The following LMNTD1 variants were observed in gnomAD, a reference collection of about 807,000 sequenced individuals.
The protein encoded by LMNTD1 is lamin tail domain containing 1.
A neutral mutation model predicts 50.9 loss-of-function variants in LMNTD1; 35 were observed. The ratio of observed to expected loss-of-function variants is 0.69; its 90% CI spans 0.53 to 0.91. LMNTD1 has a LOEUF of 0.91. LMNTD1 is among the 40% of genes least tolerant of loss of function. The pLI is 0.00. For missense variants in LMNTD1, 470 were observed against 475.5 expected (o/e 0.99, Z 0.11); for synonymous variants, 153 against 161.9 (o/e 0.94, Z 0.42).
upstream of LMNTD1, chr12:25,553,372 G>T: frequency 1.5e-6 from 1 of 659,042 alleles, no homozygotes; most frequent in Non-Finnish European, 2.2e-6. Flanking sequence ...CAATTCCTAT[G>T]TTGATGCTGT....
intron 1 of LMNTD1, chr12:25,586,246 C>A (rs1945521613): frequency 6.6e-6 from 1 of 151,604 alleles, no homozygotes; most frequent in South Asian, 2.1e-4. Flanking sequence ...CATGATGATA[C>A]CTCTACCTAC....
At chr12:25,603,005 G>C (rs902706256) in intron 1 of LMNTD1, among the ~76,000 whole-genome samples, 2 of 151,998 alleles carry the variant, frequency 1.3e-5, no homozygotes, top group Admixed American at 1.3e-4. Context: ...GAAATGTTCT[G>C]TAAGACTATA....
At chr12:25,510,725 C>A (rs1269325591) in intron 8 of LMNTD1, among the ~76,000 whole-genome samples, 1 of 151,592 alleles carries the variant, frequency 6.6e-6, no homozygotes, top group Non-Finnish European at 1.5e-5. Flanking sequence ...TTCTAAAATT[C>A]TCATTAAAAT....
intron 1 of LMNTD1, among the ~76,000 whole-genome samples, chr12:25,616,956 C>G (rs1012148093): frequency 7.2e-5 from 11 of 152,060 alleles, no homozygotes; most frequent in Non-Finnish European, 1.2e-4. Context: ...GAACTCAGAA[C>G]TGTACACTAA....
intron 8 of LMNTD1, among the ~76,000 whole-genome samples, chr12:25,517,707 GAATAAT>G (rs71851020): frequency 0.033 from 4,558 of 139,204 alleles, 237 homozygotes; most frequent in African/African-American, 0.11. Context: ...TAAAGTGTAA[GAATAAT>G]AATAATAATA....
intron 9 of LMNTD1, among the ~76,000 whole-genome samples, chr12:25,481,300 T>C (rs1052700034): frequency 6.6e-6 from 1 of 152,068 alleles, no homozygotes; most frequent in Non-Finnish European, 1.5e-5. Context: ...ATTTATTTTG[T>C]ATATTGTTCG....
intron 1 of LMNTD1, among the ~76,000 whole-genome samples, chr12:25,560,054 C>T (rs1665173515): frequency 6.6e-6 from 1 of 152,146 alleles, no homozygotes; most frequent in African/African-American, 2.4e-5. Context: ...TAATTAGATC[C>T]CATTTGTCAA....
In LMNTD1 at chr12:25,637,780, C is replaced by CT. The variant is rs529514632; in HGVS notation, c.58+10713dup. On this transcript the variant is annotated intron_variant, in intron 1 of 7. Transcript: ENST00000445693. ...GATGGGTAAAGGATTTGAATATACC[C>CT]TTTTTTTTCCAAAAAAGATATACAA... 3.2e-3 allele frequency among the ~76,000 whole-genome samples: 482 copies of CT among 151,744 alleles called. 2 individuals are homozygous for CT. Among genetic ancestry groups the CT allele is most frequent in the Middle Eastern group, 6.8e-3 (2 of 294 alleles).
At chr12:25,525,704 C>G (rs529276151) in intron 6 of LMNTD1, among the ~76,000 whole-genome samples, 1 of 152,032 alleles carries the variant, frequency 6.6e-6, no homozygotes, top group East Asian at 1.9e-4. Flanking sequence ...AAAAAAAAAT[C>G]GGGTGAGCTA....
intron 1 of LMNTD1, among the ~76,000 whole-genome samples, chr12:25,596,563 G>A (rs1945849140): frequency 6.6e-6 from 1 of 151,938 alleles, no homozygotes; most frequent in African/African-American, 2.4e-5. Flanking sequence ...AGCATATCCA[G>A]CAAAAATAAT....
rs759562660 is a variant in LMNTD1, at chr12:25,553,081, C to T, written c.-43G>A. Reference sequence around the variant, plus strand: ...AAAGTGACCTCACCTGTTAATCCAACTACCTTCAAGCATCAGCTAGGTTTA... The same window carrying T: ...AAAGTGACCTCACCTGTTAATCCAATTACCTTCAAGCATCAGCTAGGTTTA... On this transcript the variant is annotated 5_prime_UTR_variant, in exon 1 of 10. Transcript: ENST00000458174. 28 of 1,613,558 alleles carry T rather than the reference C, an allele frequency of 1.7e-5. No individual in the cohort carries two copies. The highest frequency in any genetic ancestry group is 2.5e-6 in the Non-Finnish European group (3 of 1,179,714).
At chr12:25,631,268 G>C (rs1011557795) in intron 1 of LMNTD1, among the ~76,000 whole-genome samples, 1 of 152,142 alleles carries the variant, frequency 6.6e-6, no homozygotes, top group African/African-American at 2.4e-5. Flanking sequence ...CCTGCCCACT[G>C]CTGGTTCTTC....
chr12:25,608,729 G>A (rs1050502607), intron 1 of LMNTD1, among the ~76,000 whole-genome samples: 30 of 151,454 alleles, frequency 2.0e-4, no homozygotes, highest in African/African-American at 5.6e-4. Flanking sequence ...AAAGAAACCC[G>A]ACCTTTCTCT....
chr12:25,634,202 CA>C (rs933659069), intron 1 of LMNTD1, among the ~76,000 whole-genome samples: 1 of 151,978 alleles, frequency 6.6e-6, no homozygotes, highest in Non-Finnish European at 1.5e-5. Flanking sequence ...AAATTACCAA[CA>C]AAAAAAGTCC....
At chr12:25,569,594 C>T (rs1412939593) in intron 1 of LMNTD1, among the ~76,000 whole-genome samples, 1 of 152,122 alleles carries the variant, frequency 6.6e-6, no homozygotes, top group African/African-American at 2.4e-5. Context: ...TAGTGCAAGA[C>T]GTGGGGCCTG....
intron 8 of LMNTD1, among the ~76,000 whole-genome samples, chr12:25,510,755 A>T (rs954167959): frequency 6.6e-6 from 1 of 152,002 alleles, no homozygotes; most frequent in African/African-American, 2.4e-5. Context: ...ACTCTATGAG[A>T]TGTCATTTAA....
chr12:25,613,100 C>T (rs902562997), intron 1 of LMNTD1, among the ~76,000 whole-genome samples: 5 of 152,126 alleles, frequency 3.3e-5, no homozygotes, highest in African/African-American at 1.2e-4. Flanking sequence ...GAAGTGCAGC[C>T]CTGAAGACAC....
chr12:25,576,720 G>T (rs976290262), intron 1 of LMNTD1, among the ~76,000 whole-genome samples: 2 of 152,080 alleles, frequency 1.3e-5, no homozygotes, highest in African/African-American at 4.8e-5. Context: ...GTCAATTTTG[G>T]CTTTTGTTGC....
chr12:25,639,728 T>TGG (rs1007574138), intron 1 of LMNTD1, among the ~76,000 whole-genome samples: 2 of 152,202 alleles, frequency 1.3e-5, no homozygotes, highest in Admixed American at 1.3e-4. Flanking sequence ...GTCGCTGCTT[T>TGG]GGGAAACAGT....
Sources: gnomAD v4.1 joint callset for allele counts (sites outside exome capture counted in the v4.1 genomes callset) on GRCh38, gnomAD v4.1.1 for gene constraint, MANE v1.5 for transcripts, NCBI Gene and HGNC (gene_info 2026-07-23, HGNC 2026-07-21) for gene names.